The following KLHL18 variants were observed in gnomAD, a reference collection of about 807,000 sequenced individuals.
KLHL18 encodes kelch like family member 18.
KLHL18 carries 38 observed loss-of-function variants against 58.5 expected under a neutral mutation model. The ratio of observed to expected loss-of-function variants is 0.65; its 90% CI spans 0.50 to 0.85. The LOEUF (loss-of-function observed/expected upper bound fraction) is 0.85, where lower values mean the gene tolerates loss of function less well. Ranked by LOEUF, KLHL18 falls within the 40% of genes least tolerant of loss-of-function variation. KLHL18 has a pLI of 0.00. For synonymous variants in KLHL18, 303 were observed against 301.9 expected, an observed-to-expected ratio of 1.00 and a Z score of -0.04; for missense variants, 624 against 778.4, an observed-to-expected ratio of 0.80 and a Z score of 2.36.
chr3:47,336,471 C>T, intron 6 of KLHL18, 64 bp from the exon 7 acceptor site: 2 of 1,373,950 alleles, frequency 1.5e-6, no homozygotes, highest in South Asian at 2.5e-5. Flanking sequence ...AATCAATGCC[C>T]AATAGCTGTG....
Position 47,344,201 on chromosome 3 carries a change from C to A in KLHL18, c.*260C>A. The stretch of plus-strand genomic sequence containing the variant: ...TGGTGACATGGAACTGTTTTCTGGT[C>A]CACATGAACACAGGCTCCATCCAGG... On this transcript the variant is annotated 3_prime_UTR_variant, in exon 10 of 10. Transcript: ENST00000232766. 1.9e-6 allele frequency: 1 copy of A among 521,932 alleles called. No homozygotes were observed. The highest frequency in any genetic ancestry group is 3.4e-6 in the Non-Finnish European group (1 of 296,884). 32.3% of individuals were successfully genotyped at this position (521,932 alleles called of 1,614,324 possible).
intron 7 of KLHL18, 67 bp from the exon 8 acceptor site, chr3:47,340,505 A>G (rs1704083368): frequency 6.2e-7 from 1 of 1,607,850 alleles, no homozygotes; most frequent in South Asian, 1.1e-5. Flanking sequence ...TTTGTTTCTC[A>G]GTGGGCAAGA....
intron 1 of KLHL18, among the ~76,000 whole-genome samples, chr3:47,309,025 A>G (rs1008471253): frequency 6.6e-6 from 1 of 152,050 alleles, no homozygotes. Context: ...ATCTTGCACC[A>G]CCCTTAATCC....
intron 1 of KLHL18, among the ~76,000 whole-genome samples, chr3:47,310,314 AC>A (rs1303332485): frequency 6.6e-6 from 1 of 151,974 alleles, no homozygotes; most frequent in Non-Finnish European, 1.5e-5. Flanking sequence ...TGTCTGGTGG[AC>A]CTACACTCTT....
intron 1 of KLHL18, among the ~76,000 whole-genome samples, chr3:47,298,914 C>T (rs1250707972): frequency 2.6e-5 from 4 of 152,088 alleles, no homozygotes; most frequent in Non-Finnish European, 4.4e-5. Context: ...TATGATTGTA[C>T]CATAATTTGT....
At chr3:47,293,777 C>T (rs1334932885) in intron 1 of KLHL18, among the ~76,000 whole-genome samples, 1 of 152,192 alleles carries the variant, frequency 6.6e-6, no homozygotes, top group Non-Finnish European at 1.5e-5. Flanking sequence ...GGTCCTCATA[C>T]TCATTATGTC....
Position 47,308,393 on chromosome 3 carries a change from T to C in KLHL18, c.130-11260T>C, listed in dbSNP as rs532690651. ...CAATATGTCGTCAATATGTAGTTTT[T>C]CTTTTCTTTTCTTTTGAGACAGAGT... On this transcript the variant is annotated intron_variant, in intron 1 of 9. Transcript: ENST00000232766. Among the ~76,000 whole-genome samples the C allele has an allele frequency of 3.9e-5, 6 of 152,210 alleles. No individual in the cohort carries two copies. The East Asian group carries it at 1.2e-3, about 29-fold the overall frequency.
At chr3:47,319,998 A>G (rs1236162064) in intron 2 of KLHL18, among the ~76,000 whole-genome samples, 1 of 151,910 alleles carries the variant, frequency 6.6e-6, no homozygotes, top group Non-Finnish European at 1.5e-5. Context: ...TTACCTTACT[A>G]TAAGAGAAAT....
At chr3:47,332,827 G>A (rs1002581366) in intron 4 of KLHL18, among the ~76,000 whole-genome samples, 15 of 152,154 alleles carry the variant, frequency 9.9e-5, no homozygotes, top group Admixed American at 2.0e-4. Context: ...CAGCCTTGCC[G>A]GAGTACAGAG....
rs1355048501 is a variant in KLHL18 at position 47,345,660 on chromosome 3, C to T, written c.*1719C>T. On this transcript the variant is annotated 3_prime_UTR_variant, in exon 10 of 10. Transcript: ENST00000232766. ...GTAGAGACTAAAAGAAGATTCAATT[C>T]CTGTAACCCAAGACTGAGTCTTAGG... 1.3e-5 allele frequency: 2 copies of T among 152,566 alleles called. No individual in the cohort carries two copies. Among genetic ancestry groups the T allele is most frequent in the Non-Finnish European group, 2.9e-5 (2 of 68,042 alleles). The allele number at this position is 152,566 out of a possible 1,614,324, so 9.5% of individuals were successfully genotyped here. A position where few individuals can be genotyped will look rare whatever the true frequency, so the allele number is the denominator to read the frequency against.
intron 1 of KLHL18, among the ~76,000 whole-genome samples, chr3:47,319,163 A>C (rs1003402654): frequency 1.3e-5 from 2 of 152,162 alleles, no homozygotes; most frequent in Non-Finnish European, 2.9e-5. Flanking sequence ...CCACAACACC[A>C]GTGTATCTCC....
chr3:47,325,713 G>A (rs1401934398), intron 3 of KLHL18, among the ~76,000 whole-genome samples: 1 of 151,768 alleles, frequency 6.6e-6, no homozygotes, highest in Non-Finnish European at 1.5e-5. Context: ...CCTATTTCCG[G>A]CCTTCAAATG....
At chr3:47,292,191 A>G (rs1352790547) in intron 1 of KLHL18, among the ~76,000 whole-genome samples, 1 of 152,246 alleles carries the variant, frequency 6.6e-6, no homozygotes, top group Non-Finnish European at 1.5e-5. Flanking sequence ...ATAGCTGATC[A>G]GAACACAAAA....
chr3:47,311,145 G>C (rs1703290285), intron 1 of KLHL18, among the ~76,000 whole-genome samples: 1 of 151,886 alleles, frequency 6.6e-6, no homozygotes, highest in African/African-American at 2.4e-5. Flanking sequence ...GAGTAGCTGG[G>C]ACTACAGGCG....
At chr3:47,284,684 A>G (rs976933342) in intron 1 of KLHL18, among the ~76,000 whole-genome samples, 1 of 152,160 alleles carries the variant, frequency 6.6e-6, no homozygotes, top group Non-Finnish European at 1.5e-5. Flanking sequence ...CTTCTGCAAC[A>G]TAGTTGAGTC....
intron 4 of KLHL18, among the ~76,000 whole-genome samples, chr3:47,332,355 C>CAAAA (rs1003717855): frequency 6.9e-5 from 10 of 143,932 alleles, no homozygotes; most frequent in African/African-American, 2.6e-4. Flanking sequence ...ACCCTATCTC[C>CAAAA]AAAAAAAAAG....
At chr3:47,311,658 C>T (rs1354615730) in intron 1 of KLHL18, among the ~76,000 whole-genome samples, 1 of 152,132 alleles carries the variant, frequency 6.6e-6, no homozygotes, top group Non-Finnish European at 1.5e-5. Flanking sequence ...CGCCACTGCA[C>T]TCCAGCCTGG....
chr3:47,313,363 G>C (rs963596910), intron 1 of KLHL18, among the ~76,000 whole-genome samples: 1 of 151,980 alleles, frequency 6.6e-6, no homozygotes, highest in Non-Finnish European at 1.5e-5. Flanking sequence ...GACTACAGAC[G>C]CATACCACTG....
intron 1 of KLHL18, among the ~76,000 whole-genome samples, chr3:47,284,028 T>C (rs1432239709): frequency 6.6e-6 from 1 of 152,156 alleles, no homozygotes; most frequent in African/African-American, 2.4e-5. Context: ...AGTGGGGGAA[T>C]TGGAGACCAG....
Sources: allele counts gnomAD v4.1 joint callset (sites outside exome capture counted in the v4.1 genomes callset), GRCh38; gene constraint gnomAD v4.1.1; transcripts MANE v1.5; gene names NCBI Gene and HGNC (gene_info 2026-07-23, HGNC 2026-07-21).